The following CDH13 variants were observed in gnomAD, a reference collection of about 807,000 sequenced individuals.
CDH13 encodes the protein cadherin-13.
CDH13 carries 24 observed loss-of-function variants against 63.8 expected under a neutral mutation model. That is an observed-to-expected ratio of 0.38 (90% CI 0.27 to 0.53). The LOEUF is 0.53. Among genes scored for constraint, CDH13 ranks in the 20% least tolerant of loss-of-function variants. The pLI, the probability that CDH13 is intolerant of heterozygous loss-of-function variation, is 0.85. For synonymous variants in CDH13, 503 were observed against 355.3 expected, an observed-to-expected ratio of 1.42 and a Z score of -4.67; for missense variants, 1,049 against 903.1, an observed-to-expected ratio of 1.16 and a Z score of -2.07.
intron 6 of CDH13, among the ~76,000 whole-genome samples, chr16:83,467,451 G>A (rs1431391028): frequency 6.6e-6 from 1 of 152,122 alleles, no homozygotes. Flanking sequence ...GATGCCTGGA[G>A]TGCAGACATC....
Position 82,644,797 on chromosome 16 carries a change from G to A in CDH13, c.45+17660G>A, listed in dbSNP as rs147051411. 1.1e-4 allele frequency among the ~76,000 whole-genome samples: 16 copies of A among 152,278 alleles called. No homozygotes were observed. Among genetic ancestry groups the A allele is most frequent in the South Asian group, 4.1e-4 (2 of 4,822 alleles). ...GCAACAGGAGATCACGCAAAGCCAC[G>A]TAAGTGTCTGATTCAGTCCTCCCTG... On this transcript the variant is annotated intron_variant, in intron 1 of 13. Coordinates refer to ENST00000567109, the MANE Select transcript of CDH13 (RefSeq NM_001257.5). The surrounding 1 kb of genome is among the most constrained non-coding windows in gnomAD (Gnocchi z 5.7).
chr16:83,551,612 C>G (rs930328613), intron 7 of CDH13, among the ~76,000 whole-genome samples: 7 of 152,212 alleles, frequency 4.6e-5, no homozygotes, highest in Admixed American at 2.6e-4. Flanking sequence ...TTCACTCAGG[C>G]TGGACATCCA....
chr16:82,931,230 T>G (rs1180870294), intron 2 of CDH13, among the ~76,000 whole-genome samples: 1 of 152,230 alleles, frequency 6.6e-6, no homozygotes, highest in Non-Finnish European at 1.5e-5. Flanking sequence ...CTGACTACCC[T>G]GCACAGAATT....
intron 1 of CDH13, among the ~76,000 whole-genome samples, chr16:82,674,586 G>A (rs1305762003): frequency 6.6e-6 from 1 of 152,178 alleles, no homozygotes; most frequent in African/African-American, 2.4e-5. Context: ...CCTTGGATCA[G>A]GTACGTGAAA....
chr16:83,766,318 T>C (rs1334110094), intron 11 of CDH13, among the ~76,000 whole-genome samples: 1 of 152,260 alleles, frequency 6.6e-6, no homozygotes, highest in Non-Finnish European at 1.5e-5. Context: ...GAGCCATACA[T>C]ATTTGTTTTT....
intron 1 of CDH13, among the ~76,000 whole-genome samples, chr16:82,677,166 G>A (rs1431893526): frequency 6.6e-6 from 1 of 152,218 alleles, no homozygotes; most frequent in Non-Finnish European, 1.5e-5. Context: ...ATAGGAGTGA[G>A]CCACTGCGCC....
chr16:83,550,059 C>T (rs1262163249), intron 7 of CDH13, among the ~76,000 whole-genome samples: 1 of 152,238 alleles, frequency 6.6e-6, no homozygotes, highest in East Asian at 1.9e-4. Context: ...TGGGGATGCT[C>T]TTGCCTTCTA....
intron 4 of CDH13, among the ~76,000 whole-genome samples, chr16:83,206,398 C>A (rs2039182030): frequency 6.6e-6 from 1 of 152,186 alleles, no homozygotes; most frequent in South Asian, 2.1e-4. Context: ...GCATGAGATC[C>A]ACTGCACACC....
chr16:82,713,037 C>G (rs778694291), intron 1 of CDH13, among the ~76,000 whole-genome samples: 15 of 116,588 alleles, frequency 1.3e-4, no homozygotes, highest in Non-Finnish European at 2.7e-4. Context: ...GTGAATAGAA[C>G]CCCGGCGTGT....
chr16:82,985,266 G>C (rs1910791214), intron 2 of CDH13, among the ~76,000 whole-genome samples: 1 of 152,134 alleles, frequency 6.6e-6, no homozygotes, highest in South Asian at 2.1e-4. Flanking sequence ...TGAATCTAAA[G>C]GAGGGGGAGT....
chr16:83,645,979 G>A (rs1375623594), intron 8 of CDH13, among the ~76,000 whole-genome samples: 1 of 152,162 alleles, frequency 6.6e-6, no homozygotes, highest in Non-Finnish European at 1.5e-5. Context: ...TACATAAACT[G>A]GGGGAAATGT....
chr16:82,804,226 CA>C (rs35791845), intron 1 of CDH13, among the ~76,000 whole-genome samples: 37,323 of 119,994 alleles, frequency 0.31, 4,872 homozygotes, highest in East Asian at 0.38. Flanking sequence ...GACTTCATCT[CA>C]AAAAAAAAAA....
At chr16:83,110,780 C>G (rs1227044982) in intron 3 of CDH13, among the ~76,000 whole-genome samples, 1 of 151,890 alleles carries the variant, frequency 6.6e-6, no homozygotes. Flanking sequence ...CAAAAAAAAC[C>G]AAGGTGTGAC....
At chr16:83,101,096 A>C (rs1198276134) in intron 3 of CDH13, among the ~76,000 whole-genome samples, 1 of 152,048 alleles carries the variant, frequency 6.6e-6, no homozygotes, top group Non-Finnish European at 1.5e-5. Context: ...GTCTAGGCAC[A>C]GGGGTACAGC....
rs149688831 is a variant in CDH13, at chr16:83,518,770, C to T, written c.960+32115C>T. Among the ~76,000 whole-genome samples the T allele has an allele frequency of 3.2e-3, 479 of 152,048 alleles. 1 individual carries two copies. Among genetic ancestry groups the T allele is most frequent in the African/African-American group, 0.011 (451 of 41,448 alleles). Reference sequence around the variant, plus strand: ...ACAGGTTTGAGCCACCGAGCCCGGCCGATGTGATGGTTTTATAAAGGGCTT... The same window carrying T: ...ACAGGTTTGAGCCACCGAGCCCGGCTGATGTGATGGTTTTATAAAGGGCTT... On this transcript the variant is annotated intron_variant, in intron 7 of 13. Transcript: ENST00000567109.
chr16:83,093,086 C>G (rs996374981), intron 3 of CDH13, among the ~76,000 whole-genome samples: 1 of 152,086 alleles, frequency 6.6e-6, no homozygotes, highest in Admixed American at 6.5e-5. Context: ...TTAGCAATTT[C>G]TAGACTCACT....
At chr16:83,036,468 C>T (rs1597194275) in intron 3 of CDH13, among the ~76,000 whole-genome samples, 1 of 152,192 alleles carries the variant, frequency 6.6e-6, no homozygotes, top group South Asian at 2.1e-4. Context: ...TCTGCTTTAA[C>T]AGTAGGTTCT....
intron 11 of CDH13, among the ~76,000 whole-genome samples, chr16:83,759,937 A>T (rs1355975074): frequency 0.015 from 7 of 456 alleles, no homozygotes; most frequent in Non-Finnish European, 0.028. Flanking sequence ...CAAAACCAAT[A>T]AAAAAAAAAA....
chr16:82,649,425 G>A (rs1375477198), intron 1 of CDH13, among the ~76,000 whole-genome samples: 3 of 152,122 alleles, frequency 2.0e-5, no homozygotes, highest in African/African-American at 4.8e-5. Flanking sequence ...AGAAGGAAGT[G>A]GCAGATAGTC....
Sources: gnomAD v4.1 joint callset for allele counts (sites outside exome capture counted in the v4.1 genomes callset) on GRCh38, gnomAD v4.1.1 for gene constraint, Gnocchi (gnomAD v3.1) non-coding constraint, MANE v1.5 for transcripts, NCBI Gene and HGNC (gene_info 2026-07-23, HGNC 2026-07-21) for gene names.